The following MTBP variants were observed in gnomAD, a reference collection of about 807,000 sequenced individuals.
MTBP encodes MDM2 binding protein.
A neutral mutation model predicts 117.0 loss-of-function variants in MTBP; 101 were observed. The ratio of observed to expected loss-of-function variants is 0.86; its 90% CI spans 0.73 to 1.02. The LOEUF (loss-of-function observed/expected upper bound fraction) is 1.02. Among genes scored for constraint, MTBP ranks in the 50% least tolerant of loss-of-function variants. The probability of loss-of-function intolerance (pLI) is 0.00; values close to 1 mark genes in which losing one functional copy is unlikely to be tolerated. For synonymous variants in MTBP, 350 were observed against 351.5 expected (o/e 1.00, Z 0.05); for missense variants, 970 against 1,030.9 (o/e 0.94, Z 0.81).
At chr8:120,460,371 GACAC>G (rs1403243558) in intron 8 of MTBP, among the ~76,000 whole-genome samples, 1 of 152,136 alleles carries the variant, frequency 6.6e-6, no homozygotes, top group Non-Finnish European at 1.5e-5. Context: ...TATATGTATA[GACAC>G]ACACACTGTA....
rs1324307590 is a variant in MTBP at position 120,451,342 on chromosome 8, G to A, written c.425+20G>A. 1 of 1,578,872 alleles carries A rather than the reference G, an allele frequency of 6.3e-7. No homozygotes were observed. Among genetic ancestry groups the A allele is most frequent in the Non-Finnish European group, 8.7e-7 (1 of 1,149,190 alleles). The stretch of plus-strand genomic sequence containing the variant: ...GGCTGAGTATGCTTATATGGTTTTT[G>A]TATTATCATTAAAATACTTAATATT... On this transcript the variant is annotated intron_variant, in intron 4 of 21. Transcript: ENST00000305949.
chr8:120,459,500 A>G (rs934727014), intron 8 of MTBP, 151 bp downstream of exon 8: 6 of 737,514 alleles, frequency 8.1e-6, no homozygotes, highest in South Asian at 4.5e-5. Flanking sequence ...AAGTTATACT[A>G]TGTCATCAAC....
intron 13 of MTBP, among the ~76,000 whole-genome samples, chr8:120,495,650 G>A (rs1353899460): frequency 2.0e-5 from 3 of 150,974 alleles, no homozygotes; most frequent in Admixed American, 2.0e-4. Context: ...CTATGTTTTT[G>A]TTCTAGTTTT....
In MTBP at chr8:120,523,357, G is replaced by T. The variant is rs1815036774; in HGVS notation, c.*21G>T. Reference sequence around the variant, plus strand: ...AATGATACATAATCATTCTCTTTAAGACAATTATAAATTGGATGGAGCTAT... The same window carrying T: ...AATGATACATAATCATTCTCTTTAATACAATTATAAATTGGATGGAGCTAT... On this transcript the variant is annotated 3_prime_UTR_variant, in exon 22 of 22. Coordinates refer to ENST00000305949, the MANE Select transcript of MTBP (RefSeq NM_022045.5). The T allele has an allele frequency of 2.7e-6, 4 of 1,471,576 alleles. No homozygotes were observed. In the South Asian group the frequency reaches 4.0e-5, roughly 15 times the overall value. The allele number at this position is 1,471,576 out of a possible 1,614,324, so 91.2% of individuals were successfully genotyped here. A position where few individuals can be genotyped will look rare whatever the true frequency, so the allele number is the denominator to read the frequency against.
At chr8:120,496,443 A>G (rs983313502) in intron 13 of MTBP, among the ~76,000 whole-genome samples, 5 of 152,260 alleles carry the variant, frequency 3.3e-5, no homozygotes, top group South Asian at 2.1e-4. Context: ...AAGCTTCACT[A>G]TAGTATGGTG....
chr8:120,486,666 G>A (rs4644304), intron 11 of MTBP, among the ~76,000 whole-genome samples: 81,295 of 151,768 alleles, frequency 0.54, 24,724 homozygotes, highest in Non-Finnish European at 0.67. Flanking sequence ...AGCCGAGGGA[G>A]GAGGGAGACC....
intron 11 of MTBP, chr8:120,473,548 T>C (rs1484350373): frequency 2.0e-5 from 3 of 152,150 alleles, no homozygotes; most frequent in Non-Finnish European, 4.4e-5. Context: ...ATAAGTCTGT[T>C]TGGCCAACAC....
chr8:120,451,001 A>G lies in MTBP; in HGVS notation c.200-2A>G, dbSNP rs772783464. The stretch of plus-strand genomic sequence containing the variant: ...TAATAATAATGTGGTTTTATTTTCA[A>G]GCCTGTTCAGTGGGAGGTATACCTG... On this transcript the variant is annotated splice_acceptor_variant, in intron 2 of 21. Coordinates refer to ENST00000305949, the MANE Select transcript of MTBP (RefSeq NM_022045.5). LOFTEE classifies it high-confidence loss of function. The G allele has an allele frequency of 6.2e-7, 1 of 1,608,538 alleles. No homozygotes were observed.
chr8:120,497,292 G>A, intron 13 of MTBP, 101 bp from the exon 14 acceptor site: 1 of 1,053,448 alleles, frequency 9.5e-7, no homozygotes, highest in South Asian at 1.7e-5. Flanking sequence ...ATTTACTAGA[G>A]AAATTCACTT....
At chr8:120,508,102 C>T (rs1814727003) in intron 16 of MTBP, among the ~76,000 whole-genome samples, 1 of 152,104 alleles carries the variant, frequency 6.6e-6, no homozygotes, top group Non-Finnish European at 1.5e-5. Context: ...TAAAGAACTG[C>T]ATGGCTATCA....
chr8:120,495,723 G>A (rs1402339500), intron 13 of MTBP, among the ~76,000 whole-genome samples: 2 of 151,504 alleles, frequency 1.3e-5, no homozygotes, highest in East Asian at 3.9e-4. Flanking sequence ...TTGATGTTTC[G>A]TGTGCTTAAT....
chr8:120,446,108 G>A (rs1438528687), intron 1 of MTBP, among the ~76,000 whole-genome samples: 6 of 152,302 alleles, frequency 3.9e-5, no homozygotes, highest in Admixed American at 6.5e-5. Flanking sequence ...GTGTTCATTT[G>A]TTTCGATCAA....
chr8:120,467,690 C>G (rs868126058), intron 10 of MTBP, among the ~76,000 whole-genome samples: 4 of 152,238 alleles, frequency 2.6e-5, no homozygotes, highest in South Asian at 4.1e-4. Flanking sequence ...AGATCATCCT[C>G]AAGTCTCTCA....
At chr8:120,464,595 G>A (rs1813648366) in intron 10 of MTBP, among the ~76,000 whole-genome samples, 1 of 151,872 alleles carries the variant, frequency 6.6e-6, no homozygotes, top group Non-Finnish European at 1.5e-5. Flanking sequence ...ATAGAAAATC[G>A]ATATAGTAAA....
At chr8:120,477,545 C>G (rs1297965138) in intron 11 of MTBP, among the ~76,000 whole-genome samples, 4 of 152,138 alleles carry the variant, frequency 2.6e-5, no homozygotes, top group Admixed American at 2.6e-4. Context: ...GGAACTTAAA[C>G]AAATTTACAA....
In MTBP at chr8:120,445,452, G is replaced by C. The variant is rs768030308; in HGVS notation, c.-19G>C. 1.8e-5 allele frequency: 29 copies of C among 1,603,220 alleles called. No individual in the cohort carries two copies. In the Admixed American group the frequency reaches 1.9e-4, roughly 10 times the overall value. Reference sequence around the variant, plus strand: ...ATGTGGAAGCCGAGACCTAAAGTTGGGGGGTGATCTCTGAGGAGATGGATC... The same window carrying C: ...ATGTGGAAGCCGAGACCTAAAGTTGCGGGGTGATCTCTGAGGAGATGGATC... On this transcript the variant is annotated 5_prime_UTR_variant, in exon 1 of 22. Coordinates refer to ENST00000305949, the MANE Select transcript of MTBP (RefSeq NM_022045.5).
intron 16 of MTBP, 92 bp downstream of exon 16, chr8:120,506,953 G>C (rs1814699255): frequency 9.3e-7 from 1 of 1,075,584 alleles, no homozygotes; most frequent in East Asian, 2.8e-5. Context: ...GATGTCCTAT[G>C]CTACTCAGGG....
chr8:120,464,237 T>C (rs1813639948), intron 10 of MTBP, among the ~76,000 whole-genome samples: 1 of 152,034 alleles, frequency 6.6e-6, no homozygotes, highest in Non-Finnish European at 1.5e-5. Context: ...GATTTATGGC[T>C]ACTTTAACAG....
chr8:120,507,012 A>G, intron 16 of MTBP, 151 bp downstream of exon 16: 1 of 622,080 alleles, frequency 1.6e-6, no homozygotes, highest in Non-Finnish European at 2.6e-6. Context: ...CTTAATCTTC[A>G]CTTTTTACCT....
Sources: gnomAD v4.1 joint callset for allele counts (sites outside exome capture counted in the v4.1 genomes callset) on GRCh38, gnomAD v4.1.1 for gene constraint, MANE v1.5 for transcripts, NCBI Gene and HGNC (gene_info 2026-07-23, HGNC 2026-07-21) for gene names.